PEAK1: variants seen among roughly 807,000 people sequenced by gnomAD.
PEAK1 encodes the protein pseudopodium enriched atypical kinase 1.
A neutral mutation model predicts 124.7 loss-of-function variants in PEAK1; 54 were observed. The ratio of observed to expected loss-of-function variants is 0.43; its 90% CI spans 0.35 to 0.54. The LOEUF (loss-of-function observed/expected upper bound fraction) is 0.54, where lower values mean the gene tolerates loss of function less well. Ranked by LOEUF, PEAK1 falls within the 20% of genes least tolerant of loss-of-function variation. PEAK1 has a pLI of 0.01. For missense variants in PEAK1, 2,046 were observed against 2,134.5 expected, an observed-to-expected ratio of 0.96 and a Z score of 0.82; for synonymous variants, 719 against 760.0, an observed-to-expected ratio of 0.95 and a Z score of 0.89.
intron 5 of PEAK1, among the ~76,000 whole-genome samples, chr15:77,276,463 C>T (rs1453243772): frequency 6.6e-6 from 1 of 152,124 alleles, no homozygotes; most frequent in East Asian, 1.9e-4. Flanking sequence ...GGAGAAAAGG[C>T]TTGTTAACTC....
Position 77,182,029 on chromosome 15 carries a change from A to C in PEAK1, c.-103T>G, listed in dbSNP as rs1365179492. On this transcript the variant is annotated 5_prime_UTR_variant, in exon 7 of 10. Transcript: ENST00000682557. ...CCTATGTGTTACAGCAGCTCTTCTAAGAATGATCAATCTGTGGAGGGGAAA... is the reference window on the plus strand; with the variant it reads ...CCTATGTGTTACAGCAGCTCTTCTACGAATGATCAATCTGTGGAGGGGAAA... 5 of 1,462,112 alleles carry C rather than the reference A, an allele frequency of 3.4e-6. No homozygotes were observed. Among genetic ancestry groups the C allele is most frequent in the Non-Finnish European group, 4.5e-6 (5 of 1,113,576 alleles). The allele number at this position is 1,462,112 out of a possible 1,614,324, so 90.6% of individuals were successfully genotyped here. A position where few individuals can be genotyped will look rare whatever the true frequency, so the allele number is the denominator to read the frequency against.
intron 2 of PEAK1, among the ~76,000 whole-genome samples, chr15:77,311,145 A>G (rs995986249): frequency 1.3e-5 from 2 of 152,166 alleles, no homozygotes; most frequent in African/African-American, 2.4e-5. Context: ...GCCTAGAACA[A>G]AGTGGTGGTA....
chr15:77,208,819 G>T (rs999911530), intron 6 of PEAK1, among the ~76,000 whole-genome samples: 1 of 152,122 alleles, frequency 6.6e-6, no homozygotes, highest in South Asian at 2.1e-4. Context: ...TAACTCACTG[G>T]TGAAAAACTG....
intron 7 of PEAK1, among the ~76,000 whole-genome samples, chr15:77,175,489 G>A (rs1271739400): frequency 6.7e-6 from 1 of 150,164 alleles, no homozygotes; most frequent in Non-Finnish European, 1.5e-5. Context: ...GCAGCCAAAA[G>A]ACACATGAAA....
chr15:77,314,708 T>C (rs2064763805), intron 2 of PEAK1, among the ~76,000 whole-genome samples: 1 of 152,182 alleles, frequency 6.6e-6, no homozygotes, highest in African/African-American at 2.4e-5. Flanking sequence ...AGTAGTCCTC[T>C]GGTAGGAGAT....
rs2071878409 is a variant in PEAK1, at chr15:77,407,004, AC to A, written c.-666+13001del. 1.3e-5 allele frequency among the ~76,000 whole-genome samples: 2 copies of A among 152,190 alleles called. 1 individual carries two copies. The highest frequency in any genetic ancestry group is 4.1e-4 in the South Asian group (2 of 4,826). ...AGCCAACTGATCTTCAACAAAGCAA[AC>A]AAAAAACAAAGTGGAAAGAGGATAC... is the stretch of plus-strand genomic sequence containing the variant. On this transcript the variant is annotated intron_variant, in intron 1 of 9. Coordinates refer to ENST00000682557, the MANE Select transcript of PEAK1 (RefSeq NM_001385026.1).
chr15:77,348,642 A>C (rs1223538236), intron 2 of PEAK1: 1 of 984,906 alleles, frequency 1.0e-6, no homozygotes, highest in Non-Finnish European at 1.2e-6. Context: ...TACATTTTAT[A>C]GAGCACTTTC....
At position 77,180,767 on chromosome 15, in the gene PEAK1, T is replaced by C. The variant is rs377482183; in HGVS notation, c.1160A>G (p.Tyr387Cys). The change falls in exon 7 of 10, where the codon TAT becomes TGT. Residue 387 changes from tyrosine to cysteine, a missense_variant. Coordinates refer to ENST00000682557, the MANE Select transcript of PEAK1 (RefSeq NM_001385026.1). ...SKDMKEIEPNYESPSSNNQDK... is the reference protein window; with the variant it reads ...SKDMKEIEPNCESPSSNNQDK... ...CTGATTATTACTAGAGGGACTTTCA[T>C]AATTGGGCTCAATTTCCTTCATGTC... 18 of 1,614,004 alleles carry C rather than the reference T, an allele frequency of 1.1e-5. No homozygotes were observed. Among genetic ancestry groups the C allele is most frequent in the Non-Finnish European group, 1.5e-5 (18 of 1,180,002 alleles).
At chr15:77,198,556 C>T (rs778429579) in intron 6 of PEAK1, among the ~76,000 whole-genome samples, 3 of 152,174 alleles carry the variant, frequency 2.0e-5, no homozygotes, top group Non-Finnish European at 4.4e-5. Flanking sequence ...AAATGAAGTT[C>T]ATGAGCCATC....
chr15:77,195,357 A>C (rs1168225990), intron 6 of PEAK1, among the ~76,000 whole-genome samples: 1 of 152,202 alleles, frequency 6.6e-6, no homozygotes, highest in African/African-American at 2.4e-5. Context: ...AGTGACTGGA[A>C]AACGATGAGG....
chr15:77,403,657 C>A (rs1305647406), intron 1 of PEAK1: 2 of 870,608 alleles, frequency 2.3e-6, no homozygotes, highest in Non-Finnish European at 2.7e-6. Context: ...TAAAACACAT[C>A]CCCCTTTAGT....
intron 2 of PEAK1, among the ~76,000 whole-genome samples, chr15:77,323,138 T>C (rs1207193289): frequency 8.5e-5 from 13 of 152,252 alleles, no homozygotes; most frequent in Non-Finnish European, 1.8e-4. Flanking sequence ...TATCTCAAAA[T>C]AATAAGAGCT....
intron 2 of PEAK1, among the ~76,000 whole-genome samples, chr15:77,344,094 CTGTTTTTT>C (rs1488291771): frequency 6.6e-6 from 1 of 152,062 alleles, no homozygotes; most frequent in Non-Finnish European, 1.5e-5. Context: ...TCTTGGCTGT[CTGTTTTTT>C]TGTTTTTTTG....
At chr15:77,351,578 G>GA in intron 2 of PEAK1, 1 of 376,144 alleles carries the variant, frequency 2.7e-6, no homozygotes, top group Non-Finnish European at 3.7e-6. Context: ...CCGTTAACAG[G>GA]GCCTTTGAGC....
At chr15:77,399,156 A>G (rs1384695226) in intron 1 of PEAK1, among the ~76,000 whole-genome samples, 1 of 152,206 alleles carries the variant, frequency 6.6e-6, no homozygotes. Flanking sequence ...GATTGGAAGA[A>G]TCAATATTGT....
In PEAK1 at chr15:77,102,486, T is replaced by C. The variant is rs1456915065; in HGVS notation, c.*11670A>G. 5 of 152,354 alleles carry C rather than the reference T, an allele frequency of 3.3e-5. No homozygotes were observed. In the East Asian group the frequency reaches 9.6e-4, roughly 29 times the overall value. The allele number at this position is 152,354 out of a possible 1,614,324, so 9.4% of individuals were successfully genotyped here. A position where few individuals can be genotyped will look rare whatever the true frequency, so the allele number is the denominator to read the frequency against. ...TCCTTTCTCAACAAGAGATAAAACA[T>C]GCATTGACTTGGCATTCTTCTAGTT... On this transcript the variant is annotated 3_prime_UTR_variant, in exon 7 of 7. Coordinates refer to the PEAK1 transcript ENST00000560626.
chr15:77,298,178 C>T (rs1290284331), intron 2 of PEAK1, among the ~76,000 whole-genome samples: 1 of 77,330 alleles, frequency 1.3e-5, no homozygotes. Flanking sequence ...CCTATAGCTT[C>T]TTTTGTTTGG....
chr15:77,229,465 A>G (rs2152893604), intron 6 of PEAK1, among the ~76,000 whole-genome samples: 1 of 152,234 alleles, frequency 6.6e-6, no homozygotes, highest in East Asian at 1.9e-4. Context: ...AGAATTTATT[A>G]TTCTCATGGC....
chr15:77,297,786 C>A (rs1351958533), intron 2 of PEAK1, among the ~76,000 whole-genome samples: 1 of 139,594 alleles, frequency 7.2e-6, no homozygotes, highest in African/African-American at 2.7e-5. Context: ...AGGCCGGGTG[C>A]GGTGGCTCAC....
Sources: allele counts gnomAD v4.1 joint callset (sites outside exome capture counted in the v4.1 genomes callset), GRCh38; gene constraint gnomAD v4.1.1; transcripts MANE v1.5; gene names NCBI Gene and HGNC (gene_info 2026-07-23, HGNC 2026-07-21).